Variants in SHISA9 observed in about 807,000 individuals in gnomAD.
SHISA9 encodes shisa family member 9.
A neutral mutation model predicts 38.0 loss-of-function variants in SHISA9; 13 were observed. The ratio of observed to expected loss-of-function variants is 0.34; its 90% CI spans 0.22 to 0.54. The LOEUF (loss-of-function observed/expected upper bound fraction) is 0.54, where lower values mean the gene tolerates loss of function less well. SHISA9 is among the 20% of genes least tolerant of loss of function. The pLI is 0.91. For missense variants in SHISA9, 538 were observed against 575.8 expected, an observed-to-expected ratio of 0.93 and a Z score of 0.67; for synonymous variants, 275 against 242.0, an observed-to-expected ratio of 1.14 and a Z score of -1.27.
intron 2 of SHISA9, among the ~76,000 whole-genome samples, chr16:13,075,674 A>AT (rs1194994118): frequency 6.6e-6 from 1 of 152,188 alleles, no homozygotes; most frequent in African/African-American, 2.4e-5. Flanking sequence ...CGCTTCACAT[A>AT]TTATCATAGC....
intron 2 of SHISA9, among the ~76,000 whole-genome samples, chr16:13,173,120 G>C (rs2050701114): frequency 6.6e-6 from 1 of 150,922 alleles, no homozygotes; most frequent in Non-Finnish European, 1.5e-5. Flanking sequence ...ATTTGAAAAG[G>C]AATTGTTTAT....
chr16:13,532,290 C>A, the SHISA9 span, among the ~76,000 whole-genome samples: 3 of 152,078 alleles, frequency 2.0e-5, no homozygotes, highest in African/African-American at 7.2e-5. Context: ...CCAGAGGCTT[C>A]TGGGTAACCT....
At chr16:13,155,175 T>C (rs1050090723) in intron 2 of SHISA9, among the ~76,000 whole-genome samples, 1 of 152,124 alleles carries the variant, frequency 6.6e-6, no homozygotes, top group Non-Finnish European at 1.5e-5. Context: ...ACAGAATGGA[T>C]TGAACTGGGA....
At chr16:13,014,319 C>T (rs549957067) in intron 2 of SHISA9, among the ~76,000 whole-genome samples, 3 of 152,160 alleles carry the variant, frequency 2.0e-5, no homozygotes, top group South Asian at 2.1e-4. Flanking sequence ...AACAGGTTAA[C>T]GTGAGTTATA....
chr16:13,401,033 G>T, the SHISA9 span, among the ~76,000 whole-genome samples: 1 of 152,140 alleles, frequency 6.6e-6, no homozygotes, highest in Admixed American at 6.5e-5. Flanking sequence ...GAGTGTGCTG[G>T]AATGCATTTT....
the SHISA9 span, among the ~76,000 whole-genome samples, chr16:13,499,150 T>A: frequency 6.6e-6 from 1 of 152,134 alleles, no homozygotes; most frequent in South Asian, 2.1e-4. Flanking sequence ...TAGAAACCAA[T>A]CAGTAACCAA....
At chr16:13,126,031 G>T (rs924933375) in intron 2 of SHISA9, among the ~76,000 whole-genome samples, 1 of 152,142 alleles carries the variant, frequency 6.6e-6, no homozygotes, top group African/African-American at 2.4e-5. Flanking sequence ...TTTGCAATTG[G>T]CAGGAGGTGA....
chr16:13,296,402 G>A, the SHISA9 span, among the ~76,000 whole-genome samples: 2 of 151,008 alleles, frequency 1.3e-5, no homozygotes, highest in African/African-American at 2.4e-5. Flanking sequence ...TTTGCTGTGC[G>A]TGCTGTTTTT....
intron 4 of SHISA9, among the ~76,000 whole-genome samples, chr16:13,232,966 A>T (rs2051346595): frequency 6.6e-6 from 1 of 152,198 alleles, no homozygotes; most frequent in Admixed American, 6.5e-5. Context: ...AGCTATGTTA[A>T]TAGAGCTTAT....
chr16:13,238,892 A>T lies in SHISA9; in HGVS notation c.*3483A>T, dbSNP rs1596761410. 6.7e-6 allele frequency: 1 copy of T among 149,512 alleles called. No individual in the cohort carries two copies. Among genetic ancestry groups the T allele is most frequent in the African/African-American group, 2.5e-5 (1 of 40,762 alleles). The allele number at this position is 149,512 out of a possible 1,614,324, so 9.3% of individuals were successfully genotyped here. A position where few individuals can be genotyped will look rare whatever the true frequency, so the allele number is the denominator to read the frequency against. ...GGTACATGTGCACAATGTGCAGGTT[A>T]GTTACATATGTATACACGTGTCATG... On this transcript the variant is annotated 3_prime_UTR_variant, in exon 5 of 5. Coordinates refer to ENST00000558583, the MANE Select transcript of SHISA9 (RefSeq NM_001145204.3).
chr16:13,365,678 C>T, the SHISA9 span, among the ~76,000 whole-genome samples: 2 of 152,044 alleles, frequency 1.3e-5, no homozygotes, highest in African/African-American at 2.4e-5. Context: ...AGGCTGGTCT[C>T]GAACTCCTGA....
intron 2 of SHISA9, among the ~76,000 whole-genome samples, chr16:13,142,267 C>T (rs1219727487): frequency 2.0e-5 from 3 of 152,148 alleles, no homozygotes; most frequent in Non-Finnish European, 4.4e-5. Context: ...GGTGTAGGCA[C>T]GATTACTTAT....
intron 3 of SHISA9, chr16:13,204,893 C>T (rs577835130): frequency 6.6e-6 from 1 of 152,212 alleles, no homozygotes; most frequent in Non-Finnish European, 1.5e-5. Flanking sequence ...TGTCCTGGTT[C>T]CTTCAGTTCA....
chr16:13,175,218 G>GA (rs1049397722), intron 2 of SHISA9, among the ~76,000 whole-genome samples: 15 of 150,054 alleles, frequency 1.0e-4, no homozygotes, highest in East Asian at 3.9e-4. Flanking sequence ...AAAAAAGAAA[G>GA]AAAAAAAAAG....
At position 12,989,225 on chromosome 16, in the gene SHISA9, T is replaced by C. The variant is rs576578756; in HGVS notation, c.691+72410T>C. On this transcript the variant is annotated intron_variant, in intron 2 of 4. Transcript: ENST00000558583. ...CCTTTTAGGCTGTTTTTTTGTTTTT[T>C]GTGTGTTTGACGATGTCAGGCTGGG... 2.0e-5 allele frequency among the ~76,000 whole-genome samples: 3 copies of C among 152,142 alleles called. No individual in the cohort carries two copies. The East Asian group carries it at 5.8e-4, about 29-fold the overall frequency.
chr16:13,411,790 T>C, the SHISA9 span, among the ~76,000 whole-genome samples: 4 of 152,336 alleles, frequency 2.6e-5, no homozygotes, highest in Non-Finnish European at 4.4e-5. Context: ...GCTGCCTGTG[T>C]CTCCAAGACA....
chr16:13,400,704 G>A, the SHISA9 span, among the ~76,000 whole-genome samples: 1 of 152,186 alleles, frequency 6.6e-6, no homozygotes, highest in Admixed American at 6.5e-5. Flanking sequence ...CTCCATGTCT[G>A]AACAAATCAG....
chr16:13,389,333 T>G, the SHISA9 span, among the ~76,000 whole-genome samples: 1 of 152,196 alleles, frequency 6.6e-6, no homozygotes, highest in Non-Finnish European at 1.5e-5. Flanking sequence ...TGTAGCCTTT[T>G]CAGATTGGCT....
the SHISA9 span, among the ~76,000 whole-genome samples, chr16:13,429,661 A>C: frequency 1.3e-5 from 2 of 152,198 alleles, no homozygotes; most frequent in Non-Finnish European, 2.9e-5. Flanking sequence ...GGAATTCAAC[A>C]TAGGAATTTG....
Sources: gnomAD v4.1 joint callset for allele counts (sites outside exome capture counted in the v4.1 genomes callset) on GRCh38, gnomAD v4.1.1 for gene constraint, MANE v1.5 for transcripts, NCBI Gene and HGNC (gene_info 2026-07-23, HGNC 2026-07-21) for gene names.